The following FOCAD variants were observed in gnomAD, a reference collection of about 807,000 sequenced individuals.
FOCAD encodes KIAA1797.
In FOCAD, 198 loss-of-function variants were observed where a neutral mutation model predicts 225.6. The ratio of observed to expected loss-of-function variants is 0.88; its 90% CI spans 0.78 to 0.99. The LOEUF is 0.99. Ranked by LOEUF, FOCAD falls within the 50% of genes least tolerant of loss-of-function variation. FOCAD has a pLI of 0.00. For synonymous variants in FOCAD, 897 were observed against 755.0 expected, an observed-to-expected ratio of 1.19 and a Z score of -3.08; for missense variants, 2,713 against 2,123.6, an observed-to-expected ratio of 1.28 and a Z score of -5.46.
rs80331817 is a variant in FOCAD at position 20,714,596 on chromosome 9, T to C, written c.-32-726T>C. Among the ~76,000 whole-genome samples the C allele has an allele frequency of 8.2e-3, 874 of 106,796 alleles. 9 individuals carry two copies. The highest frequency in any genetic ancestry group is 0.03 in the African/African-American group (828 of 27,466). The allele number at this position is 106,796 out of a possible 152,430, so 70.1% of individuals were successfully genotyped here. A position where few individuals can be genotyped will look rare whatever the true frequency, so the allele number is the denominator to read the frequency against. On this transcript the variant is annotated intron_variant, in intron 1 of 43. Coordinates refer to ENST00000338382, the MANE Select transcript of FOCAD (RefSeq NM_001375567.1). The stretch of plus-strand genomic sequence containing the variant: ...TTTACCACCTGCCTTCCCCATCCTT[T>C]TGCATGCTTGCCTGCCTGCCTGCCT...
At chr9:20,932,749 T>C (rs1835597998) in intron 27 of FOCAD, among the ~76,000 whole-genome samples, 1 of 152,172 alleles carries the variant, frequency 6.6e-6, no homozygotes, top group Non-Finnish European at 1.5e-5. Flanking sequence ...TTGAACAGGC[T>C]AAGAAAAATC....
intron 1 of FOCAD, among the ~76,000 whole-genome samples, chr9:20,713,345 C>A (rs1054663579): frequency 6.6e-6 from 1 of 152,142 alleles, no homozygotes; most frequent in East Asian, 1.9e-4. Flanking sequence ...AGGGCTTTTT[C>A]CTGTGCCTGT....
intron 15 of FOCAD, among the ~76,000 whole-genome samples, chr9:20,854,255 C>T (rs944159525): frequency 6.6e-6 from 1 of 151,668 alleles, no homozygotes; most frequent in Non-Finnish European, 1.5e-5. Context: ...ATTTTTACAG[C>T]ACAGGAATTA....
intron 15 of FOCAD, among the ~76,000 whole-genome samples, chr9:20,826,013 G>A (rs1181134000): frequency 2.6e-5 from 4 of 152,062 alleles, no homozygotes; most frequent in African/African-American, 7.2e-5. Context: ...TAATGCTGTT[G>A]ATGTATTGAT....
chr9:20,897,346 C>T (rs1271590497), intron 21 of FOCAD, among the ~76,000 whole-genome samples: 1 of 151,126 alleles, frequency 6.6e-6, no homozygotes, highest in Non-Finnish European at 1.5e-5. Context: ...TCTACTTTGA[C>T]AATCTTAATT....
chr9:20,672,346 A>C (rs1822088654), intron 2 of FOCAD, among the ~76,000 whole-genome samples: 1 of 152,254 alleles, frequency 6.6e-6, no homozygotes, highest in South Asian at 2.1e-4. Flanking sequence ...TGGTTTGACT[A>C]TTGAGCATCT....
chr9:20,732,225 T>A (rs953300223), intron 4 of FOCAD, among the ~76,000 whole-genome samples: 6 of 152,218 alleles, frequency 3.9e-5, no homozygotes, highest in African/African-American at 1.4e-4. Flanking sequence ...CATAATTGCC[T>A]AGTTATAGAA....
At chr9:20,714,630 G>GCCTGCCTGCCTTCCTT (rs1825160517) in intron 1 of FOCAD, among the ~76,000 whole-genome samples, 1 of 120,794 alleles carries the variant, frequency 8.3e-6, no homozygotes, top group Non-Finnish European at 1.7e-5. Context: ...CTGCCTGCCT[G>GCCTGCCTGCCTTCCTT]CCTGCCTTCC....
At chr9:20,927,750 C>G (rs939699746) in intron 26 of FOCAD, 2 of 152,002 alleles carry the variant, frequency 1.3e-5, no homozygotes, top group African/African-American at 4.8e-5. Flanking sequence ...AGCTGAGTGG[C>G]AGAGGATTAT....
chr9:20,817,324 C>T (rs867586314), intron 11 of FOCAD, among the ~76,000 whole-genome samples: 4 of 152,012 alleles, frequency 2.6e-5, no homozygotes, highest in Admixed American at 6.6e-5. Flanking sequence ...TCATTACCCC[C>T]GAAGGAAACC....
intron 35 of FOCAD, among the ~76,000 whole-genome samples, chr9:20,975,561 G>A (rs536438575): frequency 2.6e-5 from 4 of 152,320 alleles, no homozygotes; most frequent in Admixed American, 2.6e-4. Flanking sequence ...TATTCTCTCT[G>A]CTGGAAGTAG....
At chr9:20,870,987 G>T (rs1829712048) in intron 18 of FOCAD, among the ~76,000 whole-genome samples, 1 of 152,076 alleles carries the variant, frequency 6.6e-6, no homozygotes, top group African/African-American at 2.4e-5. Flanking sequence ...CAGATCACTA[G>T]AGGTCAGGAG....
chr9:20,660,352 G>GA (rs1276336196), intron 2 of FOCAD, among the ~76,000 whole-genome samples: 6 of 152,108 alleles, frequency 3.9e-5, no homozygotes, highest in Non-Finnish European at 8.8e-5. Flanking sequence ...TTGAGGCAGA[G>GA]AAAAAATACC....
intron 2 of FOCAD, 50 bp downstream of exon 2, chr9:20,715,460 G>A (rs1484501167): frequency 8.9e-7 from 1 of 1,127,122 alleles, no homozygotes; most frequent in Admixed American, 2.6e-5. Context: ...AACCTGTTCT[G>A]TGGATTTTTA....
At chr9:20,820,062 A>G (rs1382993607) in intron 12 of FOCAD, among the ~76,000 whole-genome samples, 162 bp downstream of exon 12, 1 of 152,118 alleles carries the variant, frequency 6.6e-6, no homozygotes, top group African/African-American at 2.4e-5. Flanking sequence ...ATTTATTACA[A>G]TATTTAATAA....
At chr9:20,824,537 C>T (rs1246459194) in intron 15 of FOCAD, among the ~76,000 whole-genome samples, 1 of 151,988 alleles carries the variant, frequency 6.6e-6, no homozygotes, top group Non-Finnish European at 1.5e-5. Flanking sequence ...ATAAGAAATA[C>T]CCTGAGTTTG....
chr9:20,810,196 A>G (rs1822905429), intron 11 of FOCAD, among the ~76,000 whole-genome samples: 1 of 152,172 alleles, frequency 6.6e-6, no homozygotes, highest in Non-Finnish European at 1.5e-5. Context: ...GAATTCCTTC[A>G]GCATTGAATG....
chr9:20,725,676 G>C (rs896740654), intron 4 of FOCAD, among the ~76,000 whole-genome samples: 3 of 152,144 alleles, frequency 2.0e-5, no homozygotes, highest in Non-Finnish European at 4.4e-5. Context: ...CCTCCCACCT[G>C]AATCCAAGCC....
At chr9:20,771,451 G>A (rs1363355344) in intron 8 of FOCAD, among the ~76,000 whole-genome samples, 1 of 152,128 alleles carries the variant, frequency 6.6e-6, no homozygotes, top group Non-Finnish European at 1.5e-5. Flanking sequence ...AGACTGGGTG[G>A]CTTAACCAAC....
Sources: gnomAD v4.1 joint callset for allele counts (sites outside exome capture counted in the v4.1 genomes callset) on GRCh38, gnomAD v4.1.1 for gene constraint, MANE v1.5 for transcripts, NCBI Gene and HGNC (gene_info 2026-07-23, HGNC 2026-07-21) for gene names.